The following CNTNAP5 variants were observed in gnomAD, a reference collection of about 807,000 sequenced individuals.
CNTNAP5 encodes contactin associated protein family member 5, also known as contactin-associated protein-like 5.
In CNTNAP5, 72 loss-of-function variants were observed where a neutral mutation model predicts 150.2. That is an observed-to-expected ratio of 0.48 (90% CI 0.40 to 0.58). The LOEUF (loss-of-function observed/expected upper bound fraction) is 0.58, where lower values mean the gene tolerates loss of function less well. Ranked by LOEUF, CNTNAP5 falls within the 20% of genes least tolerant of loss-of-function variation. CNTNAP5 has a pLI of 0.00. For synonymous variants in CNTNAP5, 672 were observed against 619.8 expected (o/e 1.08, Z -1.25); for missense variants, 1,636 against 1,626.2 (o/e 1.01, Z -0.10).
intron 10 of CNTNAP5, among the ~76,000 whole-genome samples, chr2:124,528,559 T>G (rs916514475): frequency 6.6e-6 from 1 of 152,216 alleles, no homozygotes; most frequent in Non-Finnish European, 1.5e-5. Context: ...CAATATCTAT[T>G]TTTCATAGTG....
intron 7 of CNTNAP5, among the ~76,000 whole-genome samples, chr2:124,484,334 G>A (rs1693822811): frequency 6.6e-6 from 1 of 152,158 alleles, no homozygotes; most frequent in South Asian, 2.1e-4. Flanking sequence ...GTCACTCATG[G>A]TGTTAAATAT....
At chr2:124,867,572 A>G (rs1321985593) in intron 20 of CNTNAP5, among the ~76,000 whole-genome samples, 2 of 151,334 alleles carry the variant, frequency 1.3e-5, no homozygotes, top group Non-Finnish European at 2.9e-5. Flanking sequence ...GCCCAATACA[A>G]CTCTCGCCTG....
intron 3 of CNTNAP5, among the ~76,000 whole-genome samples, chr2:124,285,265 A>G (rs1688119866): frequency 6.6e-6 from 1 of 152,130 alleles, no homozygotes; most frequent in Non-Finnish European, 1.5e-5. Flanking sequence ...TCATGAGCTA[A>G]CACCACTTTG....
intron 1 of CNTNAP5, among the ~76,000 whole-genome samples, chr2:124,151,679 A>G (rs977754662): frequency 3.3e-5 from 5 of 152,240 alleles, no homozygotes; most frequent in Admixed American, 1.3e-4. Flanking sequence ...CGTCTGACAG[A>G]TAACGCAGGA....
chr2:124,325,102 C>G (rs1001029465), intron 3 of CNTNAP5, among the ~76,000 whole-genome samples: 30 of 152,172 alleles, frequency 2.0e-4, no homozygotes, highest in African/African-American at 6.0e-4. Flanking sequence ...AGAGGTAGGG[C>G]CTTTGGAAGG....
At chr2:124,199,678 G>A (rs1445319264) in intron 1 of CNTNAP5, among the ~76,000 whole-genome samples, 3 of 152,030 alleles carry the variant, frequency 2.0e-5, no homozygotes, top group East Asian at 1.9e-4. Context: ...TCCTTCCAAC[G>A]AGCTGGGATT....
intron 21 of CNTNAP5, among the ~76,000 whole-genome samples, chr2:124,899,756 C>T (rs1408459822): frequency 1.3e-5 from 2 of 151,274 alleles, no homozygotes; most frequent in Admixed American, 6.6e-5. Flanking sequence ...TTCTCTAACA[C>T]AGCACATGAA....
intron 13 of CNTNAP5, among the ~76,000 whole-genome samples, chr2:124,740,010 C>T (rs376731318): frequency 9.9e-5 from 15 of 151,924 alleles, no homozygotes; most frequent in Middle Eastern, 3.4e-3. Flanking sequence ...TGACCTTTCA[C>T]AGGATACAGT....
chr2:124,700,749 C>T (rs1339581743), intron 13 of CNTNAP5, among the ~76,000 whole-genome samples: 3 of 151,744 alleles, frequency 2.0e-5, no homozygotes, highest in Non-Finnish European at 2.9e-5. Flanking sequence ...AAAATATGTT[C>T]TTCAATTCTA....
intron 3 of CNTNAP5, among the ~76,000 whole-genome samples, chr2:124,375,531 G>A (rs1297894097): frequency 6.6e-6 from 1 of 152,060 alleles, no homozygotes; most frequent in Non-Finnish European, 1.5e-5. Flanking sequence ...CAGATTGGAG[G>A]CCACATGGTA....
chr2:124,828,888 A>G (rs906334026), intron 19 of CNTNAP5, among the ~76,000 whole-genome samples: 1 of 151,928 alleles, frequency 6.6e-6, no homozygotes, highest in African/African-American at 2.4e-5. Flanking sequence ...TCTCTGACAC[A>G]GTGTTTCAGC....
chr2:124,277,314 T>C (rs537897768), intron 3 of CNTNAP5, among the ~76,000 whole-genome samples: 1 of 152,298 alleles, frequency 6.6e-6, no homozygotes, highest in East Asian at 1.9e-4. Context: ...TCAGGCCCTT[T>C]TTGGCCTTGG....
At chr2:124,515,910 A>G (rs1694704129) in intron 8 of CNTNAP5, among the ~76,000 whole-genome samples, 2 of 152,228 alleles carry the variant, frequency 1.3e-5, no homozygotes, top group Admixed American at 1.3e-4. Flanking sequence ...TCTGGGCTCC[A>G]TGACCCAGTG....
intron 1 of CNTNAP5, among the ~76,000 whole-genome samples, chr2:124,071,564 A>G (rs576128595): frequency 6.6e-6 from 1 of 152,076 alleles, no homozygotes; most frequent in Non-Finnish European, 1.5e-5. Flanking sequence ...AGTGGCTACT[A>G]TGAGCATTAT....
Position 124,210,614 on chromosome 2 carries a change from T to A in CNTNAP5, c.83-11091T>A, listed in dbSNP as rs560481664. On this transcript the variant is annotated intron_variant, in intron 1 of 23. Coordinates refer to ENST00000682447, the MANE Select transcript of CNTNAP5 (RefSeq NM_001367498.1). ...GTCTTGTTAGCACAGTCTCTTACCC[T>A]CAATTCTCTATCCCCATCTCCACCC... is the stretch of plus-strand genomic sequence containing the variant. 2.0e-5 allele frequency among the ~76,000 whole-genome samples: 3 copies of A among 152,272 alleles called. No homozygotes were observed. The East Asian group carries it at 5.8e-4, about 29-fold the overall frequency.
At chr2:124,466,728 G>A (rs1693386807) in intron 6 of CNTNAP5, among the ~76,000 whole-genome samples, 1 of 152,136 alleles carries the variant, frequency 6.6e-6, no homozygotes, top group African/African-American at 2.4e-5. Context: ...GCCAACGAAT[G>A]GATGAGCACA....
At chr2:124,501,834 T>C (rs1694285555) in intron 7 of CNTNAP5, among the ~76,000 whole-genome samples, 1 of 152,128 alleles carries the variant, frequency 6.6e-6, no homozygotes. Flanking sequence ...TGGGTCAGAT[T>C]CTGTGTAGAA....
intron 13 of CNTNAP5, among the ~76,000 whole-genome samples, chr2:124,670,237 CTTTT>C (rs1347101960): frequency 9.9e-6 from 1 of 101,352 alleles, no homozygotes; most frequent in African/African-American, 4.1e-5. Flanking sequence ...TTCTTTCTTT[CTTTT>C]CTTTCTTTCT....
At chr2:124,462,473 G>C (rs540036915) in intron 6 of CNTNAP5, among the ~76,000 whole-genome samples, 7 of 152,116 alleles carry the variant, frequency 4.6e-5, no homozygotes, top group Non-Finnish European at 1.0e-4. Flanking sequence ...ATGATGAAGG[G>C]AATATTTTAA....
Sources: gnomAD v4.1 joint callset for allele counts (sites outside exome capture counted in the v4.1 genomes callset) on GRCh38, gnomAD v4.1.1 for gene constraint, MANE v1.5 for transcripts, NCBI Gene and HGNC (gene_info 2026-07-23, HGNC 2026-07-21) for gene names.